RRP15: variants seen among roughly 807,000 people sequenced by gnomAD.
The protein encoded by RRP15 is ribosomal RNA processing 15 homolog.
A neutral mutation model predicts 27.1 loss-of-function variants in RRP15; 18 were observed. That is an observed-to-expected ratio of 0.66 (90% CI 0.46 to 0.98). RRP15 has a LOEUF of 0.98. Among genes scored for constraint, RRP15 ranks in the 50% least tolerant of loss-of-function variants. The probability of loss-of-function intolerance (pLI) is 0.00; values close to 1 mark genes in which losing one functional copy is unlikely to be tolerated. For missense variants in RRP15, 359 were observed against 337.8 expected (o/e 1.06, Z -0.49); for synonymous variants, 107 against 109.4 (o/e 0.98, Z 0.14).
At chr1:218,288,434 GT>G (rs1655584451) in intron 1 of RRP15, among the ~76,000 whole-genome samples, 1 of 152,154 alleles carries the variant, frequency 6.6e-6, no homozygotes, top group African/African-American at 2.4e-5. Context: ...GCCTGGTTCT[GT>G]TCTGAGTTCC....
chr1:218,293,757 G>T (rs1047663691), intron 1 of RRP15, among the ~76,000 whole-genome samples: 1 of 152,116 alleles, frequency 6.6e-6, no homozygotes, highest in Admixed American at 6.5e-5. Flanking sequence ...CAAAACTCAA[G>T]TATTGTTTGT....
intron 4 of RRP15, among the ~76,000 whole-genome samples, chr1:218,322,570 G>A (rs1656203556): frequency 6.8e-6 from 1 of 147,232 alleles, no homozygotes; most frequent in Non-Finnish European, 1.5e-5. Flanking sequence ...ACTTATACAT[G>A]TAGTTTAAAA....
At chr1:218,298,208 C>T (rs560315289) in intron 1 of RRP15, among the ~76,000 whole-genome samples, 107 of 152,130 alleles carry the variant, frequency 7.0e-4, no homozygotes, top group Non-Finnish European at 1.3e-3. Context: ...TGGAATCTTA[C>T]TTCCTTGGCT....
intron 1 of RRP15, chr1:218,301,393 T>A (rs1467338520): frequency 6.6e-6 from 1 of 152,230 alleles, no homozygotes; most frequent in East Asian, 1.9e-4. Flanking sequence ...ATGCATGCAA[T>A]GCTGGGTGCT....
rs1014051116 is a variant in RRP15 at position 218,302,284 on chromosome 1, G to C, written c.140-10G>C. 7 of 1,602,860 alleles carry C rather than the reference G, an allele frequency of 4.4e-6. No homozygotes were observed. Among genetic ancestry groups the C allele is most frequent in the Non-Finnish European group, 6.0e-6 (7 of 1,172,310 alleles). ...AAAGTTTAATTTGCCTTTACTCTTT[G>C]GTTCTATAGGAAGCTGTGGATCGGA... On this transcript the variant is annotated splice_polypyrimidine_tract_variant and intron_variant, in intron 1 of 4. Coordinates refer to ENST00000366932, the MANE Select transcript of RRP15 (RefSeq NM_016052.4).
intron 1 of RRP15, among the ~76,000 whole-genome samples, chr1:218,296,849 C>A (rs145325189): frequency 6.6e-6 from 1 of 152,006 alleles, no homozygotes; most frequent in Admixed American, 6.6e-5. Context: ...CCCTGGCATA[C>A]GAGTTATAAA....
At chr1:218,307,018 A>G (rs1466022020) in intron 3 of RRP15, among the ~76,000 whole-genome samples, 2 of 152,238 alleles carry the variant, frequency 1.3e-5, no homozygotes, top group Non-Finnish European at 2.9e-5. Context: ...AAATAAATAC[A>G]GAACATAGTT....
chr1:218,309,334 A>T (rs975136913), intron 4 of RRP15, among the ~76,000 whole-genome samples: 1 of 152,190 alleles, frequency 6.6e-6, no homozygotes, highest in Non-Finnish European at 1.5e-5. Context: ...TTGAGTTTGC[A>T]TCTGAATAAC....
At chr1:218,286,953 G>T (rs1454355683) in intron 1 of RRP15, among the ~76,000 whole-genome samples, 2 of 151,904 alleles carry the variant, frequency 1.3e-5, no homozygotes, top group Non-Finnish European at 2.9e-5. Context: ...TTACAAATTG[G>T]ATTTTTCTTT....
At position 218,311,688 on chromosome 1, in the gene RRP15, G is replaced by A. The variant is rs116432733; in HGVS notation, c.705+4056G>A. On this transcript the variant is annotated intron_variant, in intron 4 of 4. Transcript: ENST00000366932. ...GCCTCTCTCCTATGCAGTATCCTCT[G>A]TTTTTTCGGACTAAACGTCTTATTT... is the stretch of plus-strand genomic sequence containing the variant. Among the ~76,000 whole-genome samples the A allele has an allele frequency of 5.7e-3, 873 of 152,220 alleles. 7 individuals are homozygous for A. The highest frequency in any genetic ancestry group is 0.019 in the African/African-American group (796 of 41,532).
rs1656380896 is a variant in RRP15, at chr1:218,332,134, G to A, written c.*1043G>A. On this transcript the variant is annotated 3_prime_UTR_variant, in exon 5 of 5. Coordinates refer to ENST00000366932, the MANE Select transcript of RRP15 (RefSeq NM_016052.4). ...AATGAGACAATTTCTCAGGAAGCAA[G>A]TTTGACATGCTTTAGTCTCTCTCTT... 6.6e-6 allele frequency: 1 copy of A among 152,156 alleles called. No individual in the cohort carries two copies. The allele number at this position is 152,156 out of a possible 1,614,324, so 9.4% of individuals were successfully genotyped here. A position where few individuals can be genotyped will look rare whatever the true frequency, so the allele number is the denominator to read the frequency against.
intron 2 of RRP15, 90 bp from the exon 3 acceptor site, chr1:218,304,938 C>A: frequency 1.7e-6 from 2 of 1,191,326 alleles, no homozygotes; most frequent in Non-Finnish European, 2.4e-6. Context: ...TGATTTATTA[C>A]CTTCACCCTT....
intron 4 of RRP15, among the ~76,000 whole-genome samples, chr1:218,325,186 C>A (rs1571809171): frequency 6.6e-6 from 1 of 152,176 alleles, no homozygotes; most frequent in African/African-American, 2.4e-5. Flanking sequence ...TGGTGATGAC[C>A]GCTTTCAGCA....
Position 218,315,701 on chromosome 1 carries a change from C to T in RRP15, c.705+8069C>T, listed in dbSNP as rs1242103409. On this transcript the variant is annotated intron_variant, in intron 4 of 4. Coordinates refer to ENST00000366932, the MANE Select transcript of RRP15 (RefSeq NM_016052.4). Reference sequence around the variant, plus strand: ...GAACTCCTGGCCTCAAGTGATCCTCCGACCTGGGCCTCCCAAAGTGCTGGG... The same window carrying T: ...GAACTCCTGGCCTCAAGTGATCCTCTGACCTGGGCCTCCCAAAGTGCTGGG... Among the ~76,000 whole-genome samples the T allele has an allele frequency of 5.3e-5, 8 of 151,956 alleles. No homozygotes were observed. In the East Asian group the frequency reaches 5.8e-4, roughly 11 times the overall value.
At position 218,335,093 on chromosome 1, in the gene RRP15, G is replaced by A. The variant is rs368897647; in HGVS notation, c.*4002G>A. The A allele has an allele frequency of 6.6e-6, 1 of 152,138 alleles. No homozygotes were observed. The highest frequency in any genetic ancestry group is 1.9e-4 in the East Asian group (1 of 5,198). 9.4% of individuals were successfully genotyped at this position (152,138 alleles called of 1,614,324 possible). ...TAGAATGAATAATCATAATTATATA[G>A]ATGGAAGATATATTCTAACAGTTCT... On this transcript the variant is annotated 3_prime_UTR_variant, in exon 5 of 5. Coordinates refer to ENST00000366932, the MANE Select transcript of RRP15 (RefSeq NM_016052.4).
In RRP15 at chr1:218,335,112, C is replaced by T. The variant is rs1656429603; in HGVS notation, c.*4021C>T. The T allele has an allele frequency of 6.6e-6, 1 of 152,138 alleles. No individual in the cohort carries two copies. The highest frequency in any genetic ancestry group is 6.5e-5 in the Admixed American group (1 of 15,276). 9.4% of individuals were successfully genotyped at this position (152,138 alleles called of 1,614,324 possible). On this transcript the variant is annotated 3_prime_UTR_variant, in exon 5 of 5. Transcript: ENST00000366932. ...TATATAGATGGAAGATATATTCTAA[C>T]AGTTCTTAAATAATTTTAGATTCTC...
rs1033342426 is a variant in RRP15 at position 218,334,609 on chromosome 1, T to C, written c.*3518T>C. 6.6e-6 allele frequency: 1 copy of C among 152,190 alleles called. No homozygotes were observed. Among genetic ancestry groups the C allele is most frequent in the African/African-American group, 2.4e-5 (1 of 41,440 alleles). 9.4% of individuals were successfully genotyped at this position (152,190 alleles called of 1,614,324 possible). A position where few individuals can be genotyped will look rare whatever the true frequency, so the allele number is the denominator to read the frequency against. ...TTAACTTTGTTTTTATTTGGAAACA[T>C]TTTTTCCAGTTGACCAAAGCAGAAT... On this transcript the variant is annotated 3_prime_UTR_variant, in exon 5 of 5. Coordinates refer to ENST00000366932, the MANE Select transcript of RRP15 (RefSeq NM_016052.4).
rs755655154 is a variant in RRP15, at chr1:218,334,195, A to C, written c.*3104A>C. ...GCACTTTTTATAATGGAGTTGGAGC[A>C]CTGAATTTATTTTCAAATTACCTAG... On this transcript the variant is annotated 3_prime_UTR_variant, in exon 5 of 5. Coordinates refer to ENST00000366932, the MANE Select transcript of RRP15 (RefSeq NM_016052.4). 3 of 152,174 alleles carry C rather than the reference A, an allele frequency of 2.0e-5. No individual in the cohort carries two copies. Among genetic ancestry groups the C allele is most frequent in the Non-Finnish European group, 4.4e-5 (3 of 68,024 alleles). The allele number at this position is 152,174 out of a possible 1,614,324, so 9.4% of individuals were successfully genotyped here. A position where few individuals can be genotyped will look rare whatever the true frequency, so the allele number is the denominator to read the frequency against.
chr1:218,312,261 T>A (rs1656005508), intron 4 of RRP15, among the ~76,000 whole-genome samples: 1 of 151,360 alleles, frequency 6.6e-6, no homozygotes, highest in Non-Finnish European at 1.5e-5. Flanking sequence ...TTGAGAGAAA[T>A]TTTTTCTTTC....
Sources: gnomAD v4.1 joint callset for allele counts (sites outside exome capture counted in the v4.1 genomes callset) on GRCh38, gnomAD v4.1.1 for gene constraint, MANE v1.5 for transcripts, NCBI Gene and HGNC (gene_info 2026-07-23, HGNC 2026-07-21) for gene names.